PTPRD: variants seen among roughly 807,000 people sequenced by gnomAD.
PTPRD encodes receptor-type tyrosine-protein phosphatase delta.
A neutral mutation model predicts 214.5 loss-of-function variants in PTPRD; 34 were observed. The ratio of observed to expected loss-of-function variants is 0.16; its 90% CI spans 0.12 to 0.21. The LOEUF (loss-of-function observed/expected upper bound fraction) is 0.21, where lower values mean the gene tolerates loss of function less well. PTPRD is among the 10% of genes least tolerant of loss of function. The pLI is 1.00. For missense variants in PTPRD, 2,545 were observed against 2,398.7 expected, an observed-to-expected ratio of 1.06 and a Z score of -1.27; for synonymous variants, 1,128 against 845.7, an observed-to-expected ratio of 1.33 and a Z score of -5.79.
intron 11 of PTPRD, among the ~76,000 whole-genome samples, chr9:8,782,058 C>CGTTTATGGTATAAAACATACCATAAT (rs869113099): frequency 3.6e-5 from 5 of 140,364 alleles, no homozygotes; most frequent in African/African-American, 1.4e-4. Flanking sequence ...TAATGTTTTA[C>CGTTTATGGTATAAAACATACCATAAT]GTTTATGGTA....
intron 5 of PTPRD, among the ~76,000 whole-genome samples, chr9:9,804,952 T>C (rs181179023): frequency 2.2e-4 from 33 of 152,212 alleles, no homozygotes; most frequent in African/African-American, 7.0e-4. Flanking sequence ...GCATAAAATA[T>C]ATTTAAAATT....
chr9:8,466,165 C>A (rs1369723435), intron 31 of PTPRD, among the ~76,000 whole-genome samples: 9 of 151,760 alleles, frequency 5.9e-5, no homozygotes, highest in Non-Finnish European at 1.2e-4. Context: ...ATACAAATTC[C>A]CTCAAATCAG....
intron 2 of PTPRD, among the ~76,000 whole-genome samples, chr9:10,422,089 C>A (rs954437096): frequency 1.3e-5 from 2 of 151,992 alleles, no homozygotes; most frequent in Admixed American, 1.3e-4. Context: ...ACCAAAACAG[C>A]GTGGTACTGG....
At chr9:9,703,111 T>C (rs981847175) in intron 7 of PTPRD, among the ~76,000 whole-genome samples, 2 of 152,146 alleles carry the variant, frequency 1.3e-5, no homozygotes, top group African/African-American at 4.8e-5. Flanking sequence ...AGTTCCCCTA[T>C]GCTGTTCTCG....
At chr9:8,963,905 C>A (rs1002376631) in intron 11 of PTPRD, among the ~76,000 whole-genome samples, 1 of 152,098 alleles carries the variant, frequency 6.6e-6, no homozygotes, top group African/African-American at 2.4e-5. Context: ...TGAGCCATTG[C>A]ACCCAGCCTA....
intron 5 of PTPRD, among the ~76,000 whole-genome samples, chr9:9,913,548 A>G (rs1466892391): frequency 6.6e-6 from 1 of 152,208 alleles, no homozygotes; most frequent in Admixed American, 6.5e-5. Flanking sequence ...GAGATGCACC[A>G]GTAGTGACTG....
chr9:9,531,133 CTCA>C lies in PTPRD; in HGVS notation c.-237+43596_-237+43598del, dbSNP rs577955097. Among the ~76,000 whole-genome samples, 306 of 152,210 alleles carry C rather than the reference CTCA, an allele frequency of 2.0e-3. 1 individual carries two copies. Among genetic ancestry groups the C allele is most frequent in the African/African-American group, 6.6e-3 (274 of 41,528 alleles). ...TATGCATTCTATGCTGCAACAAATC[CTCA>C]TATGTACCCCCAAAATGTGTAAATA... On this transcript the variant is annotated intron_variant, in intron 8 of 45. Coordinates refer to ENST00000381196, the MANE Select transcript of PTPRD (RefSeq NM_002839.4).
At chr9:9,860,317 C>A (rs923502780) in intron 5 of PTPRD, among the ~76,000 whole-genome samples, 3 of 152,160 alleles carry the variant, frequency 2.0e-5, no homozygotes, top group African/African-American at 7.2e-5. Flanking sequence ...TATGTGAAAA[C>A]TTAACTAAAG....
chr9:8,845,268 C>G (rs1035221977), intron 11 of PTPRD, among the ~76,000 whole-genome samples: 1 of 152,118 alleles, frequency 6.6e-6, no homozygotes, highest in Non-Finnish European at 1.5e-5. Flanking sequence ...GTTTGCAAGG[C>G]CAGTTGTCAA....
intron 12 of PTPRD, among the ~76,000 whole-genome samples, chr9:8,681,177 C>A (rs1186035082): frequency 6.6e-6 from 1 of 152,162 alleles, no homozygotes; most frequent in South Asian, 2.1e-4. Context: ...CCTGATCAAT[C>A]ATCCATAGAC....
In PTPRD at chr9:10,569,896, G is replaced by C. The variant is rs373239757; in HGVS notation, c.-600+42502C>G. Among the ~76,000 whole-genome samples the C allele has an allele frequency of 3.9e-5, 6 of 152,138 alleles. No homozygotes were observed. In the East Asian group the frequency reaches 1.2e-3, roughly 29 times the overall value. ...ATAGTAAATACTGCAAAGTGACACA[G>C]TAGTTCTAGTGTTACTCATTAGATA... On this transcript the variant is annotated intron_variant, in intron 2 of 45. Coordinates refer to ENST00000381196, the MANE Select transcript of PTPRD (RefSeq NM_002839.4).
chr9:8,411,629 A>G (rs1038125315), intron 35 of PTPRD, among the ~76,000 whole-genome samples: 14 of 152,328 alleles, frequency 9.2e-5, no homozygotes, highest in African/African-American at 3.1e-4. Flanking sequence ...TAATATGCCA[A>G]ACATTTTCCT....
At chr9:8,481,740 C>T (rs1320985258) in intron 30 of PTPRD, among the ~76,000 whole-genome samples, 1 of 152,008 alleles carries the variant, frequency 6.6e-6, no homozygotes, top group Non-Finnish European at 1.5e-5. Context: ...GAAACCATTG[C>T]TATTTTGTTA....
chr9:10,114,945 A>C (rs1278408059), intron 3 of PTPRD, among the ~76,000 whole-genome samples: 1 of 151,348 alleles, frequency 6.6e-6, no homozygotes, highest in Non-Finnish European at 1.5e-5. Context: ...TGCTATTACC[A>C]CTGTGCCTTA....
intron 8 of PTPRD, among the ~76,000 whole-genome samples, chr9:9,534,136 C>G (rs995202187): frequency 2.0e-5 from 3 of 152,064 alleles, no homozygotes; most frequent in Non-Finnish European, 4.4e-5. Flanking sequence ...TCCTCTCATA[C>G]ATCGTGTTGC....
At chr9:8,760,171 T>G (rs1246011808) in intron 11 of PTPRD, among the ~76,000 whole-genome samples, 1 of 152,168 alleles carries the variant, frequency 6.6e-6, no homozygotes, top group African/African-American at 2.4e-5. Flanking sequence ...CCTCAGGTGA[T>G]CCACCCACTT....
At chr9:10,566,811 T>C (rs144854643) in intron 2 of PTPRD, among the ~76,000 whole-genome samples, 29 of 152,176 alleles carry the variant, frequency 1.9e-4, no homozygotes, top group Middle Eastern at 3.4e-3. Context: ...GTAACTTCTT[T>C]AGGTATCTTC....
intron 11 of PTPRD, among the ~76,000 whole-genome samples, chr9:8,976,370 G>A (rs2099268088): frequency 6.6e-6 from 1 of 151,988 alleles, no homozygotes; most frequent in African/African-American, 2.4e-5. Context: ...ATATGACTTG[G>A]TAACCACTAT....
Position 9,339,728 on chromosome 9 carries a change from T to C in PTPRD, c.-203+57721A>G, listed in dbSNP as rs535019166. 2.0e-5 allele frequency among the ~76,000 whole-genome samples: 3 copies of C among 152,294 alleles called. No individual in the cohort carries two copies. In the South Asian group the frequency reaches 6.2e-4, roughly 32 times the overall value. On this transcript the variant is annotated intron_variant, in intron 9 of 45. Transcript: ENST00000381196. The stretch of plus-strand genomic sequence containing the variant: ...TTACGTAAGTAATTGTACAGTTGTT[T>C]CTCAAAAAACCTAAGAACATTGCTT...
Sources: gnomAD v4.1 joint callset for allele counts (sites outside exome capture counted in the v4.1 genomes callset) on GRCh38, gnomAD v4.1.1 for gene constraint, MANE v1.5 for transcripts, NCBI Gene and HGNC (gene_info 2026-07-23, HGNC 2026-07-21) for gene names.